ELMOD1: variants seen among roughly 807,000 people sequenced by gnomAD.
The protein encoded by ELMOD1 is ELMO domain containing 1, also known as ELMO domain-containing protein 1.
Under a neutral mutation model 46.7 loss-of-function variants are expected in ELMOD1, and 21 were observed. That is an observed-to-expected ratio of 0.45 (90% CI 0.32 to 0.65). The LOEUF (loss-of-function observed/expected upper bound fraction) is 0.65, where lower values mean the gene tolerates loss of function less well. Ranked by LOEUF, ELMOD1 falls within the 30% of genes least tolerant of loss-of-function variation. ELMOD1 has a pLI of 0.04. For synonymous variants in ELMOD1, 122 were observed against 138.2 expected, an observed-to-expected ratio of 0.88 and a Z score of 0.82; for missense variants, 348 against 407.8, an observed-to-expected ratio of 0.85 and a Z score of 1.26.
At chr11:107,611,771 AC>A (rs1865785158) in intron 1 of ELMOD1, among the ~76,000 whole-genome samples, 1 of 152,018 alleles carries the variant, frequency 6.6e-6, no homozygotes, top group African/African-American at 2.4e-5. Flanking sequence ...TAGAAGACAT[AC>A]AAGCAGCCAA....
At chr11:107,611,474 G>A (rs1865778786) in intron 1 of ELMOD1, among the ~76,000 whole-genome samples, 1 of 152,116 alleles carries the variant, frequency 6.6e-6, no homozygotes, top group African/African-American at 2.4e-5. Flanking sequence ...GCCGAGGTGG[G>A]CGGATCACAA....
At chr11:107,631,859 G>A (rs1028141320) in intron 5 of ELMOD1, among the ~76,000 whole-genome samples, 182 bp downstream of exon 5, 8 of 152,086 alleles carry the variant, frequency 5.3e-5, no homozygotes, top group African/African-American at 1.9e-4. Flanking sequence ...GTAAATGGCA[G>A]CAACTTTGTA....
At position 107,634,806 on chromosome 11, in the gene ELMOD1, GA is replaced by G. The variant is rs529496986; in HGVS notation, c.291-827del. Among the ~76,000 whole-genome samples the G allele has an allele frequency of 7.1e-3, 1,083 of 151,690 alleles. 10 individuals carry two copies. The highest frequency in any genetic ancestry group is 0.025 in the African/African-American group (1,028 of 41,378). ...AGATGTCCCATGAGAGGGAAATGAAGAAATAAGATTTCTCTTTTCCCTAGAG... is the reference window on the plus strand; with the variant it reads ...AGATGTCCCATGAGAGGGAAATGAAGAATAAGATTTCTCTTTTCCCTAGAG... On this transcript the variant is annotated intron_variant, in intron 5 of 11. Transcript: ENST00000265840.
rs954344703 is a variant in ELMOD1 at position 107,656,194 on chromosome 11, C to T, written c.832+128C>T. 3 of 1,020,342 alleles carry T rather than the reference C, an allele frequency of 2.9e-6. No homozygotes were observed. In the African/African-American group the frequency reaches 4.9e-5, roughly 17 times the overall value. 63.2% of individuals were successfully genotyped at this position (1,020,342 alleles called of 1,614,324 possible). On this transcript the variant is annotated intron_variant, in intron 11 of 11. Coordinates refer to ENST00000265840, the MANE Select transcript of ELMOD1 (RefSeq NM_018712.4). ...CCTGAGCTCAGGAGTTCAAGACCAG[C>T]TTGGCCAGCATGGTGAAACCCCATC...
intron 1 of ELMOD1, among the ~76,000 whole-genome samples, chr11:107,598,474 G>A (rs1591096969): frequency 6.6e-6 from 1 of 152,178 alleles, no homozygotes; most frequent in Non-Finnish European, 1.5e-5. Context: ...ACCCTCATAG[G>A]TGCACCCAGA....
intron 1 of ELMOD1, among the ~76,000 whole-genome samples, chr11:107,598,673 G>T (rs371968884): frequency 7.2e-5 from 11 of 152,328 alleles, no homozygotes; most frequent in Middle Eastern, 3.4e-3. Context: ...TGCCCCAGTG[G>T]CAGATTTTCC....
At chr11:107,640,014 T>C (rs1183067990) in intron 6 of ELMOD1, among the ~76,000 whole-genome samples, 1 of 152,164 alleles carries the variant, frequency 6.6e-6, no homozygotes, top group African/African-American at 2.4e-5. Context: ...TTTATGCATA[T>C]TTATTTTGAG....
intron 1 of ELMOD1, among the ~76,000 whole-genome samples, chr11:107,599,533 G>T (rs535678218): frequency 3.3e-5 from 5 of 152,104 alleles, no homozygotes; most frequent in Non-Finnish European, 7.4e-5. Context: ...CTTGAGGCCA[G>T]GAGTTCAAGA....
At chr11:107,625,656 TTTTG>T (rs1302168343) in intron 2 of ELMOD1, 2 of 721,800 alleles carry the variant, frequency 2.8e-6, no homozygotes, top group Non-Finnish European at 3.4e-6. Flanking sequence ...CGGAGGTTGC[TTTTG>T]TTTGGTAGCA....
chr11:107,655,432 C>A (rs1363347123), intron 10 of ELMOD1, among the ~76,000 whole-genome samples: 1 of 151,920 alleles, frequency 6.6e-6, no homozygotes, highest in Non-Finnish European at 1.5e-5. Context: ...TATGAACTAC[C>A]AATTCTCGTG....
At chr11:107,614,278 AT>A (rs1299761802) in intron 1 of ELMOD1, among the ~76,000 whole-genome samples, 1 of 152,212 alleles carries the variant, frequency 6.6e-6, no homozygotes, top group Non-Finnish European at 1.5e-5. Context: ...TCCTATATCT[AT>A]AATTTTAGGT....
chr11:107,625,437 T>C, intron 2 of ELMOD1: 1 of 985,126 alleles, frequency 1.0e-6, no homozygotes, highest in Non-Finnish European at 1.2e-6. Context: ...AGCACATTCA[T>C]TGAAACTGTT....
At chr11:107,659,517 G>C (rs896415246) in intron 11 of ELMOD1, among the ~76,000 whole-genome samples, 1 of 151,974 alleles carries the variant, frequency 6.6e-6, no homozygotes, top group African/African-American at 2.4e-5. Context: ...ACACAGTGGG[G>C]GAGCACTCCC....
intron 6 of ELMOD1, among the ~76,000 whole-genome samples, chr11:107,645,089 A>AAT (rs754607142): frequency 9.7e-6 from 1 of 103,206 alleles, no homozygotes; most frequent in African/African-American, 3.8e-5. Flanking sequence ...TGCCTGGCTA[A>AAT]TTTTTTTTTT....
chr11:107,635,539 A>G, intron 5 of ELMOD1, 97 bp from the exon 6 acceptor site: 1 of 1,172,708 alleles, frequency 8.5e-7, no homozygotes, highest in South Asian at 1.8e-5. Context: ...TATTATATTA[A>G]TATGAAAAGT....
intron 11 of ELMOD1, among the ~76,000 whole-genome samples, chr11:107,659,640 GGGTT>G (rs1866694820): frequency 7.1e-6 from 1 of 141,696 alleles, no homozygotes; most frequent in African/African-American, 2.7e-5. Flanking sequence ...AACTAGAGGG[GGGTT>G]GGGTGGGTGG....
chr11:107,607,321 A>G (rs1865702334), intron 1 of ELMOD1, among the ~76,000 whole-genome samples: 1 of 152,218 alleles, frequency 6.6e-6, no homozygotes, highest in African/African-American at 2.4e-5. Flanking sequence ...AAACTTTCTC[A>G]ATTACTTTTA....
intron 6 of ELMOD1, among the ~76,000 whole-genome samples, chr11:107,645,924 G>A (rs1349908983): frequency 2.6e-5 from 4 of 152,156 alleles, no homozygotes; most frequent in African/African-American, 9.6e-5. Context: ...TTTACACTGT[G>A]TCAGGTATGT....
intron 11 of ELMOD1, among the ~76,000 whole-genome samples, chr11:107,659,462 G>A (rs1297729257): frequency 6.6e-6 from 1 of 152,056 alleles, no homozygotes; most frequent in African/African-American, 2.4e-5. Flanking sequence ...AAAGGCTCTA[G>A]CTACAGATTT....
Sources: gnomAD v4.1 joint callset for allele counts (sites outside exome capture counted in the v4.1 genomes callset) on GRCh38, gnomAD v4.1.1 for gene constraint, MANE v1.5 for transcripts, NCBI Gene and HGNC (gene_info 2026-07-23, HGNC 2026-07-21) for gene names.